ERBB4: variants seen among roughly 807,000 people sequenced by gnomAD.
ERBB4 encodes the protein receptor tyrosine-protein kinase erbB-4.
Under a neutral mutation model 158.0 loss-of-function variants are expected in ERBB4, and 42 were observed. The observed-to-expected ratio is 0.27, with a 90% CI of 0.21 to 0.34. The LOEUF (loss-of-function observed/expected upper bound fraction) is 0.34. Ranked by LOEUF, ERBB4 falls within the 10% of genes least tolerant of loss-of-function variation. The pLI, the probability that ERBB4 is intolerant of heterozygous loss-of-function variation, is 1.00. For synonymous variants in ERBB4, 583 were observed against 558.7 expected (o/e 1.04, Z -0.61); for missense variants, 1,333 against 1,624.1 (o/e 0.82, Z 3.08).
At chr2:211,539,309 G>T (rs10202621) in intron 20 of ERBB4, among the ~76,000 whole-genome samples, 1 of 151,550 alleles carries the variant, frequency 6.6e-6, no homozygotes, top group Non-Finnish European at 1.5e-5. Context: ...CATAATTGCT[G>T]TATGATTTTT....
chr2:211,684,180 G>T (rs1026362621), intron 12 of ERBB4, among the ~76,000 whole-genome samples: 2 of 152,126 alleles, frequency 1.3e-5, no homozygotes, highest in Non-Finnish European at 2.9e-5. Context: ...GGCCGGACAC[G>T]GTGGCTCATG....
intron 12 of ERBB4, among the ~76,000 whole-genome samples, chr2:211,691,607 T>C (rs1270490727): frequency 7.5e-6 from 1 of 133,748 alleles, no homozygotes; most frequent in Admixed American, 7.1e-5. Context: ...TGTGTGTATA[T>C]ATATAACAGA....
intron 19 of ERBB4, among the ~76,000 whole-genome samples, chr2:211,604,095 C>A (rs550074237): frequency 3.3e-5 from 5 of 152,240 alleles, no homozygotes; most frequent in African/African-American, 1.2e-4. Flanking sequence ...GTCTTGTAGT[C>A]TAACATATAG....
At chr2:211,620,127 A>C (rs2069542328) in intron 18 of ERBB4, among the ~76,000 whole-genome samples, 1 of 152,152 alleles carries the variant, frequency 6.6e-6, no homozygotes, top group African/African-American at 2.4e-5. Context: ...TTGATAAGAC[A>C]TACAAGGATG....
chr2:212,412,218 CT>C (rs1253501573), intron 1 of ERBB4, among the ~76,000 whole-genome samples: 1 of 152,160 alleles, frequency 6.6e-6, no homozygotes, highest in Admixed American at 6.5e-5. Flanking sequence ...TATTTACCAA[CT>C]TTGGTAAACT....
At chr2:211,467,185 A>T (rs2064715435) in intron 20 of ERBB4, among the ~76,000 whole-genome samples, 1 of 152,108 alleles carries the variant, frequency 6.6e-6, no homozygotes, top group African/African-American at 2.4e-5. Context: ...CCTTTTCCAG[A>T]GCAAGTGCCA....
chr2:212,134,676 CTTTTTTTTTTT>C (rs869141215), intron 1 of ERBB4, among the ~76,000 whole-genome samples: 1 of 69,056 alleles, frequency 1.4e-5, no homozygotes, highest in African/African-American at 6.3e-5. Context: ...TAAACACTTT[CTTTTTTTTTTT>C]TTTTTTTTTT....
chr2:211,677,872 CAAAATAAAAATAAAAGTA>C (rs1366313340), intron 13 of ERBB4, among the ~76,000 whole-genome samples: 1 of 151,506 alleles, frequency 6.6e-6, no homozygotes, highest in African/African-American at 2.4e-5. Flanking sequence ...GACTCCGTTT[CAAAATAAAAATAAAAGTA>C]AAAATAAAAA....
chr2:212,004,478 TCTGA>T (rs1381241281), intron 2 of ERBB4, among the ~76,000 whole-genome samples: 2 of 152,210 alleles, frequency 1.3e-5, no homozygotes, highest in African/African-American at 2.4e-5. Flanking sequence ...TCTTCTCATC[TCTGA>T]CTAATTCCCT....
chr2:211,947,474 T>C lies in ERBB4; in HGVS notation c.377A>G (p.Asp126Gly). The C allele has an allele frequency of 6.2e-7, 1 of 1,613,918 alleles. No homozygotes were observed. The highest frequency in any genetic ancestry group is 8.5e-7 in the Non-Finnish European group (1 of 1,179,906). ...AAGTTCTTGAAGTCCAAAGTTTCCA[T>C]CTTTTCTGTAGTTTAAAAATATTGC... ...ALAIFLNYRKDGNFGLQELGL... is the reference protein window; with the variant it reads ...ALAIFLNYRKGGNFGLQELGL... The change falls in exon 3 of 28, where the codon GAT becomes GGT. Residue 126 changes from aspartate (D) to glycine (G), a missense_variant. Transcript: ENST00000342788.
intron 20 of ERBB4, among the ~76,000 whole-genome samples, chr2:211,517,284 A>G (rs1422131711): frequency 1.3e-5 from 2 of 152,116 alleles, no homozygotes; most frequent in Non-Finnish European, 2.9e-5. Flanking sequence ...TGAAATAGTG[A>G]TAATGATACC....
chr2:211,387,803 A>G, intron 26 of ERBB4, 142 bp downstream of exon 26: 1 of 728,686 alleles, frequency 1.4e-6, no homozygotes, highest in South Asian at 1.5e-5. Context: ...ACATCTACAA[A>G]GGCAGCTACA....
intron 4 of ERBB4, among the ~76,000 whole-genome samples, chr2:211,772,852 T>TACACAC (rs1455935012): frequency 1.8e-5 from 1 of 57,132 alleles, no homozygotes; most frequent in African/African-American, 8.0e-5. Flanking sequence ...TATATATATA[T>TACACAC]ATATATATAT....
intron 3 of ERBB4, among the ~76,000 whole-genome samples, chr2:211,820,270 T>G (rs12475566): frequency 0.11 from 16,662 of 151,846 alleles, 1,233 homozygotes; most frequent in Non-Finnish European, 0.15. Context: ...CTGGTGCAAG[T>G]TGAATGAAAT....
chr2:211,935,730 A>C (rs1287470840), intron 3 of ERBB4, among the ~76,000 whole-genome samples: 1 of 152,074 alleles, frequency 6.6e-6, no homozygotes, highest in East Asian at 1.9e-4. Flanking sequence ...TGTCCTAATG[A>C]ATCCTTCTCA....
intron 1 of ERBB4, among the ~76,000 whole-genome samples, chr2:212,178,364 T>C (rs1449222302): frequency 6.6e-6 from 1 of 151,698 alleles, no homozygotes; most frequent in Non-Finnish European, 1.5e-5. Flanking sequence ...GGCAAGATGA[T>C]GATGCCCTAA....
At chr2:212,472,227 A>T (rs1689148896) in intron 1 of ERBB4, among the ~76,000 whole-genome samples, 1 of 149,104 alleles carries the variant, frequency 6.7e-6, no homozygotes, top group Non-Finnish European at 1.5e-5. Flanking sequence ...TCCTACTAAA[A>T]GGAAGAGACC....
At chr2:212,140,371 ATCT>A (rs2080414307) in intron 1 of ERBB4, among the ~76,000 whole-genome samples, 1 of 120,500 alleles carries the variant, frequency 8.3e-6, no homozygotes, top group African/African-American at 4.8e-5. Flanking sequence ...ATATAGTAAT[ATCT>A]ATATGTTTAT....
intron 24 of ERBB4, among the ~76,000 whole-genome samples, chr2:211,420,900 G>C (rs1408933142): frequency 2.0e-5 from 3 of 151,876 alleles, no homozygotes; most frequent in Non-Finnish European, 2.9e-5. Context: ...ATCAATTTCA[G>C]GTCTGAAAAT....
Sources: allele counts gnomAD v4.1 joint callset (sites outside exome capture counted in the v4.1 genomes callset), GRCh38; gene constraint gnomAD v4.1.1; transcripts MANE v1.5; gene names NCBI Gene and HGNC (gene_info 2026-07-23, HGNC 2026-07-21).